The following ATF6 variants were observed in gnomAD, a reference collection of about 807,000 sequenced individuals.
The protein encoded by ATF6 is cyclic AMP-dependent transcription factor ATF-6 alpha.
A neutral mutation model predicts 83.6 loss-of-function variants in ATF6; 53 were observed. That is an observed-to-expected ratio of 0.63 (90% CI 0.51 to 0.80). ATF6 has a LOEUF of 0.80. ATF6 is among the 30% of genes least tolerant of loss of function. The pLI is 0.00. For missense variants in ATF6, 744 were observed against 797.9 expected, an observed-to-expected ratio of 0.93 and a Z score of 0.81; for synonymous variants, 288 against 285.8, an observed-to-expected ratio of 1.01 and a Z score of -0.08.
chr1:161,867,598 C>T lies in ATF6; in HGVS notation c.1719+4286C>T, dbSNP rs571345585. On this transcript the variant is annotated intron_variant, in intron 14 of 15. Coordinates refer to ENST00000367942, the MANE Select transcript of ATF6 (RefSeq NM_007348.4). Reference sequence around the variant, plus strand: ...GGCAGTTTTTCATTAAAAACAGGTTCTCTTTGAATCAGATGGCTGTGAATG... The same window carrying T: ...GGCAGTTTTTCATTAAAAACAGGTTTTCTTTGAATCAGATGGCTGTGAATG... Among the ~76,000 whole-genome samples the T allele has an allele frequency of 1.4e-4, 21 of 152,250 alleles. No homozygotes were observed. In the South Asian group the frequency reaches 4.3e-3, roughly 32 times the overall value.
intron 7 of ATF6, among the ~76,000 whole-genome samples, chr1:161,811,219 G>A (rs1019844425): frequency 1.3e-5 from 2 of 152,196 alleles, no homozygotes; most frequent in African/African-American, 4.8e-5. Context: ...AAAAATGAAA[G>A]TATCAATGGC....
chr1:161,897,763 TTAA>T, intron 14 of ATF6, among the ~76,000 whole-genome samples: 1 of 152,204 alleles, frequency 6.6e-6, no homozygotes, highest in East Asian at 1.9e-4. Context: ...GTAAAATATT[TTAA>T]TAACGCTTAT....
Position 161,792,257 on chromosome 1 carries a change from G to C in ATF6, c.618G>C (p.Gln206His). 6.2e-7 allele frequency: 1 copy of C among 1,614,074 alleles called. No homozygotes were observed. The highest frequency in any genetic ancestry group is 8.5e-7 in the Non-Finnish European group (1 of 1,180,010). Residue 206 changes from glutamine (Q) to histidine (H), a missense_variant, in exon 6 of 16, where the codon CAG (glutamine) becomes CAC (histidine). Coordinates refer to ENST00000367942, the MANE Select transcript of ATF6 (RefSeq NM_007348.4). ...SSVPAKTIII[Q>H]TVPTLMPLAK... is the part of the protein sequence containing the mutation. ...TTCCAGCAAAAACCATCATTATTCA[G>C]ACAGTACCAACGCTTATGCCATTGG...
At chr1:161,867,259 C>CA (rs1398794886) in intron 14 of ATF6, among the ~76,000 whole-genome samples, 3 of 151,930 alleles carry the variant, frequency 2.0e-5, no homozygotes, top group Non-Finnish European at 4.4e-5. Context: ...CGCGCCACTG[C>CA]ACTCCAGCCT....
chr1:161,814,136 G>A (rs1685548615), intron 7 of ATF6, among the ~76,000 whole-genome samples: 1 of 152,094 alleles, frequency 6.6e-6, no homozygotes, highest in African/African-American at 2.4e-5. Flanking sequence ...CGCCCGCCTT[G>A]GCCTCCCAAA....
chr1:161,876,325 A>G (rs1156951936), intron 14 of ATF6, among the ~76,000 whole-genome samples: 1 of 149,130 alleles, frequency 6.7e-6, no homozygotes, highest in Non-Finnish European at 1.5e-5. Flanking sequence ...ATGAATTAAC[A>G]TATGGTTGGA....
At chr1:161,818,864 T>C (rs1430577717) in intron 7 of ATF6, among the ~76,000 whole-genome samples, 2 of 152,120 alleles carry the variant, frequency 1.3e-5, no homozygotes, top group African/African-American at 4.8e-5. Flanking sequence ...TTTTTGCAAT[T>C]GAGTAGTAAG....
At chr1:161,864,205 G>C (rs1686944215) in intron 14 of ATF6, among the ~76,000 whole-genome samples, 1 of 151,954 alleles carries the variant, frequency 6.6e-6, no homozygotes, top group Non-Finnish European at 1.5e-5. Flanking sequence ...GGTATGGTTA[G>C]AAGTAAGTAC....
intron 1 of ATF6, among the ~76,000 whole-genome samples, chr1:161,769,196 T>G (rs1009242045): frequency 6.6e-5 from 10 of 152,252 alleles, no homozygotes; most frequent in African/African-American, 2.2e-4. Flanking sequence ...TGTGTTTCTA[T>G]AAAGCTTTAT....
chr1:161,860,844 T>A (rs563309200), intron 13 of ATF6, among the ~76,000 whole-genome samples: 1 of 152,262 alleles, frequency 6.6e-6, no homozygotes, highest in South Asian at 2.1e-4. Flanking sequence ...ATACTTAAGA[T>A]TTTGAAAGAT....
chr1:161,834,042 A>C (rs1351857904), intron 9 of ATF6, among the ~76,000 whole-genome samples: 2 of 152,264 alleles, frequency 1.3e-5, no homozygotes, highest in African/African-American at 4.8e-5. Flanking sequence ...AGTCCATCAG[A>C]CTAACAGCTG....
chr1:161,792,522 G>C (rs1684907948), intron 6 of ATF6, among the ~76,000 whole-genome samples, 195 bp downstream of exon 6: 1 of 152,164 alleles, frequency 6.6e-6, no homozygotes, highest in Non-Finnish European at 1.5e-5. Context: ...CTCCAGACCA[G>C]TTACATCTGA....
At chr1:161,871,274 T>C (rs913198757) in intron 14 of ATF6, among the ~76,000 whole-genome samples, 7 of 151,622 alleles carry the variant, frequency 4.6e-5, no homozygotes. Context: ...TTGGTGTGGG[T>C]GGACTTTTTG....
At chr1:161,900,174 A>G (rs1210617204) in intron 14 of ATF6, among the ~76,000 whole-genome samples, 1 of 152,184 alleles carries the variant, frequency 6.6e-6, no homozygotes, top group Non-Finnish European at 1.5e-5. Flanking sequence ...CATTTATTTC[A>G]ATATTTAATA....
chr1:161,773,191 A>G (rs1684433278), intron 1 of ATF6, among the ~76,000 whole-genome samples: 1 of 146,966 alleles, frequency 6.8e-6, no homozygotes, highest in Non-Finnish European at 1.5e-5. Context: ...GCTGGAGTGC[A>G]GTGGCTCACT....
rs763045211 is a variant in ATF6, at chr1:161,778,317, G to C, written c.156G>C (p.Thr52=). 6.2e-7 allele frequency: 1 copy of C among 1,610,898 alleles called. No homozygotes were observed. The highest frequency in any genetic ancestry group is 1.7e-5 in the Admixed American group (1 of 59,876). Residue 52 remains threonine, a synonymous_variant, in exon 2 of 16, where the codon ACG becomes ACC. Transcript: ENST00000367942. The stretch of plus-strand genomic sequence containing the variant: ...TGCAATTGGAAGCAGCAAATGAGAC[G>C]TATGTAAGTATTTACTAAGGTTGAA... ...DELQLEAANE[T]YENNFDNLDF...
chr1:161,828,227 T>A (rs1316201054), intron 9 of ATF6, among the ~76,000 whole-genome samples: 4 of 152,136 alleles, frequency 2.6e-5, no homozygotes, highest in African/African-American at 9.7e-5. Flanking sequence ...AACCTTTTGT[T>A]TTTGGCAATA....
chr1:161,783,723 T>C (rs1362192715), intron 3 of ATF6, among the ~76,000 whole-genome samples: 3 of 151,938 alleles, frequency 2.0e-5, no homozygotes, highest in Non-Finnish European at 4.4e-5. Context: ...AGAGAATTAG[T>C]GCAGATGCAA....
chr1:161,867,599 T>C (rs1558003167), intron 14 of ATF6, among the ~76,000 whole-genome samples: 1 of 152,228 alleles, frequency 6.6e-6, no homozygotes, highest in Non-Finnish European at 1.5e-5. Flanking sequence ...AAACAGGTTC[T>C]CTTTGAATCA....
Sources: allele counts gnomAD v4.1 joint callset (sites outside exome capture counted in the v4.1 genomes callset), GRCh38; gene constraint gnomAD v4.1.1; transcripts MANE v1.5; gene names NCBI Gene and HGNC (gene_info 2026-07-23, HGNC 2026-07-21).